FBXL13: variants seen among roughly 807,000 people sequenced by gnomAD.
FBXL13 encodes F-box and leucine-rich repeat protein 13.
FBXL13 carries 67 observed loss-of-function variants against 83.6 expected under a neutral mutation model. That is an observed-to-expected ratio of 0.80 (90% CI 0.66 to 0.98). The LOEUF is 0.98. FBXL13 is among the 50% of genes least tolerant of loss of function. The pLI, the probability that FBXL13 is intolerant of heterozygous loss-of-function variation, is 0.00. For synonymous variants in FBXL13, 272 were observed against 299.5 expected (o/e 0.91, Z 0.95); for missense variants, 822 against 866.5 (o/e 0.95, Z 0.64).
At chr7:102,980,633 C>T (rs766361117) in intron 6 of FBXL13, among the ~76,000 whole-genome samples, 2 of 151,968 alleles carry the variant, frequency 1.3e-5, no homozygotes, top group Non-Finnish European at 2.9e-5. Flanking sequence ...AAGAATTAGC[C>T]GGGTGTGGTG....
chr7:102,900,804 C>T (rs1812872162), intron 11 of FBXL13, among the ~76,000 whole-genome samples: 1 of 152,080 alleles, frequency 6.6e-6, no homozygotes, highest in Admixed American at 6.5e-5. Context: ...GAGGTAAATA[C>T]TACTGAATTA....
chr7:102,938,985 T>G (rs995991278), intron 8 of FBXL13, among the ~76,000 whole-genome samples: 3 of 152,224 alleles, frequency 2.0e-5, no homozygotes, highest in Admixed American at 2.0e-4. Context: ...GTCAGGGTGT[T>G]CTCATAAACA....
intron 14 of FBXL13, among the ~76,000 whole-genome samples, chr7:102,881,585 G>A (rs922895765): frequency 6.9e-6 from 1 of 144,012 alleles, no homozygotes; most frequent in South Asian, 2.3e-4. Context: ...TGGGGGGGGT[G>A]GGTGTCTCAC....
intron 6 of FBXL13, among the ~76,000 whole-genome samples, chr7:102,981,408 C>CCG (rs1828211797): frequency 7.3e-5 from 2 of 27,386 alleles, no homozygotes; most frequent in East Asian, 1.4e-3. Context: ...CCTTTCCCCC[C>CCG]CTTACCCACC....
chr7:103,027,610 C>T, intron 4 of FBXL13, 52 bp from the exon 6 acceptor site: 1 of 1,137,944 alleles, frequency 8.8e-7, no homozygotes, highest in Non-Finnish European at 1.3e-6. Flanking sequence ...TAGCTGTTTC[C>T]AAAAAACACA....
At chr7:102,935,226 CTTT>C (rs201080434) in intron 8 of FBXL13, among the ~76,000 whole-genome samples, 1 of 131,378 alleles carries the variant, frequency 7.6e-6, no homozygotes, top group Non-Finnish European at 1.6e-5. Context: ...GCTCATGCTC[CTTT>C]TTTTTTTTCT....
chr7:102,945,922 C>T (rs575987492), intron 8 of FBXL13, among the ~76,000 whole-genome samples: 45 of 152,140 alleles, frequency 3.0e-4, no homozygotes, highest in Admixed American at 1.1e-3. Flanking sequence ...TGCTCTGTTG[C>T]CCAGGCTGGA....
chr7:102,965,252 C>A (rs544233977), intron 7 of FBXL13, among the ~76,000 whole-genome samples: 2 of 152,216 alleles, frequency 1.3e-5, no homozygotes, highest in African/African-American at 4.8e-5. Flanking sequence ...TGTAGTCTGA[C>A]AAATCAGAAT....
chr7:102,867,692 TA>T (rs1166531164), intron 16 of FBXL13, among the ~76,000 whole-genome samples: 33 of 74,150 alleles, frequency 4.5e-4, no homozygotes, highest in African/African-American at 1.9e-3. Flanking sequence ...TATATATATA[TA>T]TATTTTTTTT....
intron 9 of FBXL13, among the ~76,000 whole-genome samples, chr7:102,930,319 C>T (rs1047432069): frequency 6.6e-6 from 1 of 152,046 alleles, no homozygotes; most frequent in Non-Finnish European, 1.5e-5. Flanking sequence ...CCTCCTATCT[C>T]GTTAGGGACT....
intron 6 of FBXL13, among the ~76,000 whole-genome samples, chr7:102,990,976 A>G (rs1363574531): frequency 6.6e-6 from 1 of 152,236 alleles, no homozygotes; most frequent in Admixed American, 6.5e-5. Flanking sequence ...AGGAAGTGAC[A>G]TGAATAAATG....
chr7:102,869,993 T>C (rs1256034089), intron 16 of FBXL13, among the ~76,000 whole-genome samples: 2 of 152,240 alleles, frequency 1.3e-5, no homozygotes, highest in Non-Finnish European at 2.9e-5. Flanking sequence ...AGTTCTCACA[T>C]TGGCTTCTTT....
At chr7:102,813,464 A>G in exon 20 of FBXL13, 2 of 1,614,214 alleles carry the variant, frequency 1.2e-6, no homozygotes, top group Non-Finnish European at 1.7e-6. Context: ...TAGCCAAACC[A>G]ACGTGGAGGG....
At chr7:103,019,206 C>A (rs777413211) in intron 6 of FBXL13, among the ~76,000 whole-genome samples, 2 of 152,182 alleles carry the variant, frequency 1.3e-5, no homozygotes, top group African/African-American at 2.4e-5. Flanking sequence ...AACTGAATAA[C>A]CTGCTTCTGA....
intron 8 of FBXL13, chr7:102,933,406 G>T (rs544516042): frequency 3.3e-5 from 5 of 152,258 alleles, no homozygotes; most frequent in Non-Finnish European, 7.3e-5. Context: ...GTGAACTGCA[G>T]GCTTCGGTTT....
intron 1 of FBXL13, among the ~76,000 whole-genome samples, chr7:103,071,854 G>A (rs1212973532): frequency 6.6e-6 from 1 of 152,154 alleles, no homozygotes; most frequent in Admixed American, 6.5e-5. Flanking sequence ...TCCAAGGCTT[G>A]CAGAAGATGG....
chr7:102,875,389 G>T (rs377638049), intron 16 of FBXL13, among the ~76,000 whole-genome samples: 62 of 152,122 alleles, frequency 4.1e-4, no homozygotes, highest in South Asian at 2.3e-3. Context: ...AGAGGACAGG[G>T]GAAAAGAGGA....
chr7:102,881,561 A>AGTGT (rs113934324), intron 14 of FBXL13, among the ~76,000 whole-genome samples: 13 of 131,422 alleles, frequency 9.9e-5, no homozygotes, highest in African/African-American at 3.6e-4. Flanking sequence ...TTGTGTATGT[A>AGTGT]GTGTGTGTGT....
chr7:102,944,698 T>C (rs1822147997), intron 8 of FBXL13: 4 of 1,168,068 alleles, frequency 3.4e-6, no homozygotes, highest in Non-Finnish European at 1.2e-6. Context: ...GTGTTGCCTA[T>C]TTATGCAGGG....
Sources: allele counts gnomAD v4.1 joint callset (sites outside exome capture counted in the v4.1 genomes callset), GRCh38; gene constraint gnomAD v4.1.1; transcripts MANE v1.5; gene names NCBI Gene and HGNC (gene_info 2026-07-23, HGNC 2026-07-21).